The following BCAT2 variants were observed in gnomAD, a reference collection of about 807,000 sequenced individuals.
BCAT2 encodes branched-chain-amino-acid aminotransferase, mitochondrial.
In BCAT2, 44 loss-of-function variants were observed where a neutral mutation model predicts 52.9. The ratio of observed to expected loss-of-function variants is 0.83; its 90% CI spans 0.65 to 1.07. BCAT2 has a LOEUF of 1.07. Ranked by LOEUF, BCAT2 falls within the 50% of genes least tolerant of loss-of-function variation. The probability of loss-of-function intolerance (pLI) is 0.00; values close to 1 mark genes in which losing one functional copy is unlikely to be tolerated. For synonymous variants in BCAT2, 215 were observed against 217.1 expected (o/e 0.99, Z 0.08); for missense variants, 478 against 521.8 (o/e 0.92, Z 0.82).
intron 6 of BCAT2, among the ~76,000 whole-genome samples, chr19:48,797,798 C>A (rs989499813): frequency 7.7e-6 from 1 of 129,116 alleles, no homozygotes; most frequent in Non-Finnish European, 1.7e-5. Flanking sequence ...AAAACCATTT[C>A]TTTTTTTCTT....
chr19:48,810,932 G>C, intron 1 of BCAT2, 52 bp downstream of exon 1: 1 of 1,593,726 alleles, frequency 6.3e-7, no homozygotes, highest in Non-Finnish European at 8.5e-7. Flanking sequence ...CTTCCCGGAA[G>C]TGCGCCTCCC....
At position 48,799,943 on chromosome 19, in the gene BCAT2, C is replaced by T. The variant is rs894905096; in HGVS notation, c.531+38G>A. On this transcript the variant is annotated intron_variant, in intron 5 of 10. Coordinates refer to ENST00000316273, the MANE Select transcript of BCAT2 (RefSeq NM_001190.4). The surrounding 1 kb of genome is among the most constrained non-coding windows in gnomAD (Gnocchi z 5.5). ...CACCCCTGCCCTGCAGAATCCAACC[C>T]CCGCAGCCCAGCTTCCCAGCCCTGG... 6.2e-7 allele frequency: 1 copy of T among 1,609,324 alleles called. No homozygotes were observed. Among genetic ancestry groups the T allele is most frequent in the African/African-American group, 1.3e-5 (1 of 74,824 alleles).
Position 48,799,959 on chromosome 19 carries a change from C to G in BCAT2, c.531+22G>C. ...AATCCAACCCCCGCAGCCCAGCTTC[C>G]CAGCCCTGGAGTTGGGCCCACCTCG... On this transcript the variant is annotated intron_variant, in intron 5 of 10. Transcript: ENST00000316273. The surrounding 1 kb of genome is among the most constrained non-coding windows in gnomAD (Gnocchi z 5.5). 6.2e-7 allele frequency: 1 copy of G among 1,611,680 alleles called. No homozygotes were observed. Among genetic ancestry groups the G allele is most frequent in the Non-Finnish European group, 8.5e-7 (1 of 1,178,348 alleles).
chr19:48,802,441 C>CTTTT (rs35775607), intron 3 of BCAT2, among the ~76,000 whole-genome samples: 81 of 87,030 alleles, frequency 9.3e-4, no homozygotes, highest in South Asian at 1.4e-3. Flanking sequence ...TACTGGATTC[C>CTTTT]TTTTTTTTTT....
intron 1 of BCAT2, chr19:48,810,732 T>C: frequency 9.3e-7 from 1 of 1,069,806 alleles, no homozygotes; most frequent in Non-Finnish European, 1.2e-6. Context: ...TCCACCATGT[T>C]TCCCTTTTTT....
rs2034608493 is a variant in BCAT2, at chr19:48,799,629, C to T, written c.695+46G>A. ...GCACGCACGCTGGTCCCTGTGTCTC[C>T]AACGCCCAGTGCGCCAGTCGTTCTG... On this transcript the variant is annotated intron_variant, in intron 6 of 10. Coordinates refer to ENST00000316273, the MANE Select transcript of BCAT2 (RefSeq NM_001190.4). The surrounding 1 kb of genome is among the most constrained non-coding windows in gnomAD (Gnocchi z 5.5). The T allele has an allele frequency of 2.0e-6, 3 of 1,512,122 alleles. No individual in the cohort carries two copies. In the East Asian group the frequency reaches 6.9e-5, roughly 35 times the overall value. The allele number at this position is 1,512,122 out of a possible 1,614,324, so 93.7% of individuals were successfully genotyped here.
chr19:48,795,397 T>G lies in BCAT2; in HGVS notation c.*29A>C. 6.2e-7 allele frequency: 1 copy of G among 1,613,596 alleles called. No homozygotes were observed. Among genetic ancestry groups the G allele is most frequent in the South Asian group, 1.1e-5 (1 of 91,034 alleles). Reference sequence around the variant, plus strand: ...TGCTGGCGTGACGAGATGCTACGGGTCGGTGGATCTGGAGCACAGCCTGCA... The same window carrying G: ...TGCTGGCGTGACGAGATGCTACGGGGCGGTGGATCTGGAGCACAGCCTGCA... On this transcript the variant is annotated 3_prime_UTR_variant, in exon 11 of 11. Coordinates refer to ENST00000316273, the MANE Select transcript of BCAT2 (RefSeq NM_001190.4).
chr19:48,807,704 G>T lies in BCAT2; in HGVS notation c.25-630C>A. The T allele has an allele frequency of 4.1e-6, 4 of 986,706 alleles. No individual in the cohort carries two copies. The highest frequency in any genetic ancestry group is 1.7e-5 in the African/African-American group (1 of 57,332). 61.1% of individuals were successfully genotyped at this position (986,706 alleles called of 1,614,324 possible). A position where few individuals can be genotyped will look rare whatever the true frequency, so the allele number is the denominator to read the frequency against. On this transcript the variant is annotated intron_variant, in intron 1 of 10. Transcript: ENST00000316273. This position sits in a 1 kb window ranked among gnomAD's most constrained non-coding sequence, Gnocchi z 4.6. ...CCAGCCCCTCCTCCGCCAGACCCAGGAGTACAGGTGCTTATTCTCTGAAGG... is the reference window on the plus strand; with the variant it reads ...CCAGCCCCTCCTCCGCCAGACCCAGTAGTACAGGTGCTTATTCTCTGAAGG...
chr19:48,808,094 C>T (rs1371323693), intron 1 of BCAT2: 3 of 987,144 alleles, frequency 3.0e-6, no homozygotes, highest in Middle Eastern at 5.2e-4. Flanking sequence ...GGTCACTTGT[C>T]GCTAGGTGAG....
intron 1 of BCAT2, among the ~76,000 whole-genome samples, chr19:48,809,652 T>C (rs920729539): frequency 2.6e-5 from 4 of 152,038 alleles, no homozygotes; most frequent in African/African-American, 9.7e-5. Context: ...AGCCAAGTAC[T>C]GTCCCAAACA....
At chr19:48,796,234 G>A in intron 10 of BCAT2, 194 bp downstream of exon 10, 1 of 672,416 alleles carries the variant, frequency 1.5e-6, no homozygotes, top group Non-Finnish European at 2.5e-6. Context: ...CCAGGAAAGG[G>A]TGATTTAGCC....
rs756813524 is a variant in BCAT2 at position 48,807,252 on chromosome 19, C to G, written c.25-178G>C. 4 of 558,396 alleles carry G rather than the reference C, an allele frequency of 7.2e-6. No homozygotes were observed. The highest frequency in any genetic ancestry group is 1.3e-5 in the Non-Finnish European group (4 of 318,092). 34.6% of individuals were successfully genotyped at this position (558,396 alleles called of 1,614,324 possible). A position where few individuals can be genotyped will look rare whatever the true frequency, so the allele number is the denominator to read the frequency against. On this transcript the variant is annotated intron_variant, in intron 1 of 10. Coordinates refer to ENST00000316273, the MANE Select transcript of BCAT2 (RefSeq NM_001190.4). The surrounding 1 kb of genome is among the most constrained non-coding windows in gnomAD (Gnocchi z 4.6). ...AGGCCAAGTCCCCTCCCTGCCCTGACGAGGGCTCGCTGGAAAGAGCTGAGT... is the reference window on the plus strand; with the variant it reads ...AGGCCAAGTCCCCTCCCTGCCCTGAGGAGGGCTCGCTGGAAAGAGCTGAGT...
At chr19:48,796,896 T>G in intron 8 of BCAT2, 41 bp downstream of exon 8, 2 of 1,609,382 alleles carry the variant, frequency 1.2e-6, no homozygotes, top group Non-Finnish European at 1.7e-6. Context: ...CCCTGGCCCC[T>G]GGCACATGGC....
chr19:48,798,524 A>G (rs566932322), intron 6 of BCAT2, among the ~76,000 whole-genome samples: 6 of 152,094 alleles, frequency 3.9e-5, no homozygotes, highest in Non-Finnish European at 7.4e-5. Context: ...CCCTGTACAC[A>G]TGGTTCCCAG....
At chr19:48,800,324 T>C in intron 3 of BCAT2, 27 bp from the exon 4 acceptor site, 1 of 1,596,092 alleles carries the variant, frequency 6.3e-7, no homozygotes. Flanking sequence ...GTGGGGAGGC[T>C]CAGAGACTTC....
chr19:48,806,776 A>G, intron 2 of BCAT2, 59 bp from the exon 3 acceptor site: 1 of 1,583,944 alleles, frequency 6.3e-7, no homozygotes, highest in Non-Finnish European at 8.6e-7. Flanking sequence ...GAAAAACTAC[A>G]ACTCCCATGA....
intron 1 of BCAT2, chr19:48,810,708 T>A: frequency 1.9e-3 from 803 of 431,908 alleles, no homozygotes; most frequent in Middle Eastern, 3.0e-3. Flanking sequence ...CACGCCTCCC[T>A]CATTACAGGG....
rs1321753810 is a variant in BCAT2, at chr19:48,807,042, C to G, written c.57G>C (p.Trp19Cys). 1 of 1,613,860 alleles carries G rather than the reference C, an allele frequency of 6.2e-7. No individual in the cohort carries two copies. Among genetic ancestry groups the G allele is most frequent in the Non-Finnish European group, 8.5e-7 (1 of 1,179,958 alleles). The change falls in exon 2 of 11, where the codon TGG becomes TGC. Residue 19 changes from tryptophan to cysteine, a missense_variant. Trp to Cys is a radical substitution (Grantham distance 215). Coordinates refer to ENST00000316273, the MANE Select transcript of BCAT2 (RefSeq NM_001190.4). This position sits in a 1 kb window ranked among gnomAD's most constrained non-coding sequence, Gnocchi z 4.6. ...IWARKLLSVP[W>C]LLCGPRRYAS... ...CATATCTTCTGGGACCACACAGAAG[C>G]CAAGGGACAGAGAGAAGCTTTCGTG...
chr19:48,796,958 TAG>T lies in BCAT2; in HGVS notation c.901_902del (p.Leu301ThrfsTer9), dbSNP rs1396057987. On this transcript the variant is annotated frameshift_variant, in exon 8 of 11. Coordinates refer to ENST00000316273, the MANE Select transcript of BCAT2 (RefSeq NM_001190.4). LOFTEE classifies it high-confidence loss of function. ...TCACCCAGGTCTGAGCCATGTCCAG[TAG>T]ACTCTGTCTGACCACTCCAGGCAGG... ...VILPGVVRQS[L>X]LDMAQTWGEF... 6.2e-7 allele frequency: 1 copy of T among 1,614,168 alleles called. No homozygotes were observed. Among genetic ancestry groups the T allele is most frequent in the Non-Finnish European group, 8.5e-7 (1 of 1,180,010 alleles).
Sources: gnomAD v4.1 joint callset for allele counts (sites outside exome capture counted in the v4.1 genomes callset) on GRCh38, gnomAD v4.1.1 for gene constraint, Gnocchi (gnomAD v3.1) non-coding constraint, MANE v1.5 for transcripts, NCBI Gene and HGNC (gene_info 2026-07-23, HGNC 2026-07-21) for gene names.